Variants in MCM2 observed in about 807,000 individuals in gnomAD.
The protein encoded by MCM2 is minichromosome maintenance complex component 2.
A neutral mutation model predicts 86.4 loss-of-function variants in MCM2; 49 were observed. That is an observed-to-expected ratio of 0.57 (90% CI 0.45 to 0.72). The LOEUF (loss-of-function observed/expected upper bound fraction) is 0.72, where lower values mean the gene tolerates loss of function less well. MCM2 is among the 30% of genes least tolerant of loss of function. MCM2 has a pLI of 0.00. For missense variants in MCM2, 1,038 were observed against 1,259.9 expected (o/e 0.82, Z 2.67); for synonymous variants, 475 against 484.6 (o/e 0.98, Z 0.26).
intron 2 of MCM2, among the ~76,000 whole-genome samples, chr3:127,603,873 G>A (rs2074324092): frequency 6.6e-6 from 1 of 152,058 alleles, no homozygotes; most frequent in Non-Finnish European, 1.5e-5. Flanking sequence ...TGTTCGCCAG[G>A]ATGGTCTCAA....
In MCM2 at chr3:127,617,393, G is replaced by A. The variant is rs138684820; in HGVS notation, c.1888G>A (p.Ala630Thr). ...GGCTCGCTGCACGGTCATTGCTGCC[G>A]CCAACCCCATAGGTGCAGCAGGCAC... is the stretch of plus-strand genomic sequence containing the variant. ...LQARCTVIAA[A>T]NPIGGRYDPS... The change falls in exon 11 of 16, where the codon GCC becomes ACC. Residue 630 changes from alanine to threonine, a missense_variant. This residue lies in a region of MCM2 where 336 missense variants were observed against 425.7 expected (regional missense o/e 0.79). Coordinates refer to ENST00000265056, the MANE Select transcript of MCM2 (RefSeq NM_004526.4). The surrounding 1 kb of genome is among the most constrained non-coding windows in gnomAD (Gnocchi z 4.1). 1.4e-4 allele frequency: 218 copies of A among 1,613,468 alleles called. 1 individual carries two copies. The East Asian group carries it at 3.3e-3, about 25-fold the overall frequency.
At chr3:127,604,154 C>G (rs925270907) in intron 2 of MCM2, 1 of 165,452 alleles carries the variant, frequency 6.0e-6, no homozygotes, top group African/African-American at 2.4e-5. Flanking sequence ...GTGCGGCCAT[C>G]ACCGCCATCC....
At chr3:127,603,567 C>A (rs1016603504) in intron 2 of MCM2, among the ~76,000 whole-genome samples, 1 of 152,218 alleles carries the variant, frequency 6.6e-6, no homozygotes, top group Non-Finnish European at 1.5e-5. Context: ...CTCACTGCAG[C>A]CTTGAACTCC....
In MCM2 at chr3:127,605,175, C is replaced by G; in HGVS notation, c.673+19C>G. On this transcript the variant is annotated intron_variant, in intron 4 of 15. Coordinates refer to ENST00000265056, the MANE Select transcript of MCM2 (RefSeq NM_004526.4). Reference sequence around the variant, plus strand: ...TGCAAAGGTGTGGCTTCCCTACGCCCCCGCCTCAGCCCCTGTAGCGCCTCC... The same window carrying G: ...TGCAAAGGTGTGGCTTCCCTACGCCGCCGCCTCAGCCCCTGTAGCGCCTCC... 2.5e-6 allele frequency: 4 copies of G among 1,606,514 alleles called. No individual in the cohort carries two copies. In the East Asian group the frequency reaches 6.7e-5, roughly 27 times the overall value.
chr3:127,610,633 A>C, intron 8 of MCM2: 2 of 376,920 alleles, frequency 5.3e-6, no homozygotes, highest in South Asian at 4.0e-5. Context: ...CCAAGTAGGC[A>C]GGGTAGTTTT....
intron 8 of MCM2, among the ~76,000 whole-genome samples, chr3:127,609,837 C>CTTTTTT: frequency 1.4e-5 from 1 of 69,110 alleles, no homozygotes; most frequent in African/African-American, 5.4e-5. Context: ...AGTCAACTTC[C>CTTTTTT]TTTTTTTTTT....
rs201213869 is a variant in MCM2 at position 127,608,359 on chromosome 3, G to T, written c.1102-23G>T. Reference sequence around the variant, plus strand: ...GTGACATAGTAAGTCAGTGATTTGAGGCCTTCTGTGTGTCCCTCGCAGACC... The same window carrying T: ...GTGACATAGTAAGTCAGTGATTTGATGCCTTCTGTGTGTCCCTCGCAGACC... On this transcript the variant is annotated intron_variant, in intron 6 of 15. Transcript: ENST00000265056. 28 of 1,612,336 alleles carry T rather than the reference G, an allele frequency of 1.7e-5. 1 individual carries two copies. In the South Asian group the frequency reaches 2.9e-4, roughly 16 times the overall value.
At chr3:127,612,762 G>A (rs941633077) in intron 8 of MCM2, among the ~76,000 whole-genome samples, 5 of 152,168 alleles carry the variant, frequency 3.3e-5, no homozygotes, top group Non-Finnish European at 7.3e-5. Context: ...TGCTGGGTGC[G>A]GAGACTGAGG....
chr3:127,621,794 G>C lies in MCM2; in HGVS notation c.*21G>C. The C allele has an allele frequency of 6.3e-7, 1 of 1,585,552 alleles. No individual in the cohort carries two copies. The highest frequency in any genetic ancestry group is 8.7e-7 in the Non-Finnish European group (1 of 1,155,564). Reference sequence around the variant, plus strand: ...TCTGAGGCCCTATGCCATCCATAAGGATTCCTTGGGATTCTGGTTTGGGGT... The same window carrying C: ...TCTGAGGCCCTATGCCATCCATAAGCATTCCTTGGGATTCTGGTTTGGGGT... On this transcript the variant is annotated 3_prime_UTR_variant, in exon 16 of 16. Transcript: ENST00000265056.
At chr3:127,615,746 G>A (rs2074428072) in intron 8 of MCM2, 116 bp from the exon 9 acceptor site, 3 of 735,632 alleles carry the variant, frequency 4.1e-6, no homozygotes, top group Non-Finnish European at 7.3e-6. Flanking sequence ...TGCAGCAGCT[G>A]TGGAAGTGGG....
chr3:127,620,351 C>A (rs1199205494), intron 13 of MCM2, among the ~76,000 whole-genome samples: 1 of 152,106 alleles, frequency 6.6e-6, no homozygotes, highest in Non-Finnish European at 1.5e-5. Context: ...CCTTTTTTTG[C>A]ACTTACATTG....
chr3:127,613,628 G>A (rs1447139379), intron 8 of MCM2, among the ~76,000 whole-genome samples: 1 of 152,182 alleles, frequency 6.6e-6, no homozygotes, highest in Non-Finnish European at 1.5e-5. Context: ...TTTGGTTATT[G>A]TGAGTTCCAT....
At position 127,617,390 on chromosome 3, in the gene MCM2, G is replaced by A; in HGVS notation, c.1885G>A (p.Ala629Thr). 6.2e-7 allele frequency: 1 copy of A among 1,613,816 alleles called. No individual in the cohort carries two copies. The highest frequency in any genetic ancestry group is 8.5e-7 in the Non-Finnish European group (1 of 1,179,886). Residue 629 changes from alanine to threonine, a missense_variant, in exon 11 of 16, where the codon GCC (alanine) becomes ACC (threonine). This residue lies in a region of MCM2 where 336 missense variants were observed against 425.7 expected (regional missense o/e 0.79). Coordinates refer to ENST00000265056, the MANE Select transcript of MCM2 (RefSeq NM_004526.4). The surrounding 1 kb of genome is among the most constrained non-coding windows in gnomAD (Gnocchi z 4.1). ...SLQARCTVIA[A>T]ANPIGGRYDP... ...GCAGGCTCGCTGCACGGTCATTGCTGCCGCCAACCCCATAGGTGCAGCAGG... is the reference window on the plus strand; with the variant it reads ...GCAGGCTCGCTGCACGGTCATTGCTACCGCCAACCCCATAGGTGCAGCAGG...
Position 127,606,417 on chromosome 3 carries a change from G to A in MCM2, c.893+80G>A, listed in dbSNP as rs890045277. 5.8e-5 allele frequency: 83 copies of A among 1,427,248 alleles called. No homozygotes were observed. The highest frequency in any genetic ancestry group is 7.6e-5 in the Non-Finnish European group (78 of 1,030,636). 88.4% of individuals were successfully genotyped at this position (1,427,248 alleles called of 1,614,324 possible). On this transcript the variant is annotated intron_variant, in intron 5 of 15. Coordinates refer to ENST00000265056, the MANE Select transcript of MCM2 (RefSeq NM_004526.4). The surrounding 1 kb of genome is among the most constrained non-coding windows in gnomAD (Gnocchi z 4.2). ...GTCGTGATTCCTGAAGAGCGATTGT[G>A]GTGTGGGCGGGGAGGGTGCAGCCAG...
chr3:127,615,976 T>G, intron 9 of MCM2, 21 bp downstream of exon 9: 2 of 1,584,918 alleles, frequency 1.3e-6, no homozygotes, highest in Non-Finnish European at 1.7e-6. Flanking sequence ...ACCTTTCCTC[T>G]GCAGGGGTGT....
chr3:127,621,039 G>A (rs752943976), intron 14 of MCM2, 34 bp from the exon 15 acceptor site: 15 of 1,610,610 alleles, frequency 9.3e-6, no homozygotes, highest in Non-Finnish European at 1.2e-5. Flanking sequence ...GGCGTAGTGG[G>A]AGCGGGTGTT....
chr3:127,605,309 C>T (rs543436368), intron 4 of MCM2, among the ~76,000 whole-genome samples, 153 bp downstream of exon 4: 1 of 152,250 alleles, frequency 6.6e-6, no homozygotes, highest in East Asian at 1.9e-4. Flanking sequence ...TGCATCAGGG[C>T]TCTCCTGCTG....
chr3:127,608,466 G>A lies in MCM2; in HGVS notation c.1186G>A (p.Ala396Thr), dbSNP rs3087450. ...AAGRLPRSKD[A>T]ILLADLVDSC... ...TGGCCGGCTGCCCCGCTCCAAGGAC[G>A]CCATTCTCCTCGCAGATCTGGTGGA... is the stretch of plus-strand genomic sequence containing the variant. Residue 396 changes from alanine to threonine, a missense_variant, in exon 7 of 16, where the codon GCC becomes ACC. Physicochemically the swap from Ala to Thr is moderately conservative, Grantham distance 58. Transcript: ENST00000265056. 17,291 of 1,614,204 alleles carry A rather than the reference G, an allele frequency of 0.011. 121 individuals are homozygous for A. The highest frequency in any genetic ancestry group is 0.013 in the Middle Eastern group (78 of 6,062).
At chr3:127,599,219 G>T (rs2074284338) in intron 1 of MCM2, 99 bp from the exon 2 acceptor site, 5 of 946,694 alleles carry the variant, frequency 5.3e-6, no homozygotes, top group Non-Finnish European at 8.4e-6. Flanking sequence ...AAGAGTCACA[G>T]GTGGAGAGAA....
Sources: allele counts gnomAD v4.1 joint callset (sites outside exome capture counted in the v4.1 genomes callset), GRCh38; gene constraint gnomAD v4.1.1; regional missense constraint gnomAD v4.1.1; non-coding constraint Gnocchi (gnomAD v3.1); transcripts MANE v1.5; gene names NCBI Gene and HGNC (gene_info 2026-07-23, HGNC 2026-07-21).